The following DHX8 variants were observed in gnomAD, a reference collection of about 807,000 sequenced individuals.
DHX8 encodes ATP-dependent RNA helicase DHX8.
In DHX8, 67 loss-of-function variants were observed where a neutral mutation model predicts 140.7. That is an observed-to-expected ratio of 0.48 (90% CI 0.39 to 0.58). DHX8 has a LOEUF of 0.58. Ranked by LOEUF, DHX8 falls within the 20% of genes least tolerant of loss-of-function variation. The pLI, the probability that DHX8 is intolerant of heterozygous loss-of-function variation, is 0.00. For synonymous variants in DHX8, 533 were observed against 553.2 expected (o/e 0.96, Z 0.51); for missense variants, 887 against 1,550.7 (o/e 0.57, Z 7.19).
chr17:43,543,296 T>TCA (rs1555559966), intron 3 of DHX8, among the ~76,000 whole-genome samples: 47 of 143,390 alleles, frequency 3.3e-4, no homozygotes, highest in Non-Finnish European at 4.7e-4. Context: ...TCTCTCTCTC[T>TCA]CACACACACA....
At chr17:43,497,168 C>A (rs866256783) in intron 9 of DHX8, among the ~76,000 whole-genome samples, 2 of 152,080 alleles carry the variant, frequency 1.3e-5, no homozygotes, top group South Asian at 2.1e-4. Context: ...ACGTATCTAT[C>A]CCTAAACATT....
intron 16 of DHX8, 39 bp from the exon 17 acceptor site, chr17:43,513,323 C>G: frequency 2.5e-6 from 4 of 1,604,474 alleles, no homozygotes; most frequent in Non-Finnish European, 3.4e-6. Flanking sequence ...AGGGCTGAGC[C>G]TGGGCACCTC....
downstream of DHX8, chr17:43,525,885 G>C (rs981190226): frequency 1.0e-6 from 1 of 985,196 alleles, no homozygotes; most frequent in African/African-American, 1.7e-5. Context: ...GGGGAGGGAG[G>C]GTTGGGTTTC....
rs780605577 is a variant in DHX8 at position 43,522,065 on chromosome 17, T to G, written c.3282T>G (p.Val1094=). The change falls in exon 22 of 23, where the codon GTT becomes GTG. Residue 1094 remains valine (V), a synonymous_variant. Transcript: ENST00000262415. The stretch of plus-strand genomic sequence containing the variant: ...TTGATAGACACAAGCTGGATGTTGT[T>G]TCCTGTGGCAAGTCCACAGTCCGAG... The part of the protein sequence containing the change: ...GIMDRHKLDV[V]SCGKSTVRVQ... 26 of 1,614,022 alleles carry G rather than the reference T, an allele frequency of 1.6e-5. No homozygotes were observed. Among genetic ancestry groups the G allele is most frequent in the Non-Finnish European group, 2.1e-5 (25 of 1,179,946 alleles).
chr17:43,533,421 G>A, intron 2 of DHX8: 1 of 1,430,706 alleles, frequency 7.0e-7, no homozygotes, highest in Non-Finnish European at 9.6e-7. Flanking sequence ...TCATTCCTAG[G>A]AAAGCGAGGT....
chr17:43,507,444 T>G, intron 13 of DHX8, 59 bp from the exon 14 acceptor site: 10 of 1,503,862 alleles, frequency 6.6e-6, no homozygotes, highest in Non-Finnish European at 9.1e-6. Flanking sequence ...AAATCTTGCC[T>G]GGTGATTGGG....
chr17:43,532,935 C>T (rs746055784), intron 2 of DHX8: 21 of 1,564,870 alleles, frequency 1.3e-5, no homozygotes, highest in Admixed American at 5.7e-5. Flanking sequence ...TGCTGGAAGA[C>T]GGAGCTGGAT....
intron 4 of DHX8, 124 bp downstream of exon 4, chr17:43,491,374 T>A: frequency 2.1e-6 from 1 of 483,810 alleles, no homozygotes; most frequent in Non-Finnish European, 3.6e-6. Context: ...AGAATGAAAG[T>A]GTTTGATCAC....
Position 43,494,809 on chromosome 17 carries a change from C to CTT in DHX8, c.1212+938_1212+939dup, listed in dbSNP as rs368825760. 4.5e-5 allele frequency among the ~76,000 whole-genome samples: 6 copies of CTT among 134,572 alleles called. No homozygotes were observed. In the East Asian group the frequency reaches 1.1e-3, roughly 25 times the overall value. 88.3% of individuals were successfully genotyped at this position (134,572 alleles called of 152,430 possible). On this transcript the variant is annotated intron_variant, in intron 8 of 22. Coordinates refer to ENST00000262415, the MANE Select transcript of DHX8 (RefSeq NM_004941.3). ...AGTCTTCATTCTTTTGTTTTCTTTC[C>CTT]TTTTTTTTTTTTTTTTAATTGAGAC... is the stretch of plus-strand genomic sequence containing the variant.
rs1292588107 is a variant in DHX8, at chr17:43,522,143, G to A, written c.3360G>A (p.Pro1120=). 11 of 1,613,968 alleles carry A rather than the reference G, an allele frequency of 6.8e-6. No individual in the cohort carries two copies. The highest frequency in any genetic ancestry group is 4.5e-5 in the East Asian group (2 of 44,898). The change falls in exon 22 of 23, where the codon CCG becomes CCA. Residue 1120 remains proline (P), a synonymous_variant. Coordinates refer to ENST00000262415, the MANE Select transcript of DHX8 (RefSeq NM_004941.3). ...TCCGTAATGCTGCCAAGAAAGACCC[G>A]CAGGAGGGTTACCGGACACTGATCG... is the stretch of plus-strand genomic sequence containing the variant. ...GFFRNAAKKD[P]QEGYRTLIDQ...
intron 3 of DHX8, among the ~76,000 whole-genome samples, chr17:43,538,608 G>A (rs775984468): frequency 6.6e-6 from 1 of 152,224 alleles, no homozygotes; most frequent in South Asian, 2.1e-4. Flanking sequence ...GGCCTCCCCA[G>A]AGCGGGGCTT....
chr17:43,511,848 C>G (rs1455507408), intron 16 of DHX8, among the ~76,000 whole-genome samples: 1 of 102,832 alleles, frequency 9.7e-6, no homozygotes, highest in Non-Finnish European at 2.0e-5. Flanking sequence ...ACCCCTATCT[C>G]TACAAAAAAA....
chr17:43,484,080 G>C lies in DHX8; in HGVS notation c.43G>C (p.Glu15Gln), dbSNP rs763278226. ...VAMAGALIGS[E>Q]PGPAEELAKL... ...CATGGCGGGAGCCTTAATCGGGTCGGAGCCAGGCCCCGCGGAAGAACTTGC... is the reference window on the plus strand; with the variant it reads ...CATGGCGGGAGCCTTAATCGGGTCGCAGCCAGGCCCCGCGGAAGAACTTGC... Residue 15 changes from glutamate (E) to glutamine (Q), a missense_variant, in exon 1 of 23, where the codon GAG becomes CAG. Physicochemically the swap from Glu to Gln is conservative, Grantham distance 29. Around this residue, in one of 9 missense-constraint regions of DHX8, gnomAD observed 32 missense variants for 25.1 expected, o/e 1.28. Coordinates refer to ENST00000262415, the MANE Select transcript of DHX8 (RefSeq NM_004941.3). The C allele has an allele frequency of 5.6e-6, 9 of 1,614,194 alleles. No homozygotes were observed. In the East Asian group the frequency reaches 1.8e-4, roughly 32 times the overall value.
At chr17:43,535,253 C>T (rs920512784) in intron 2 of DHX8, among the ~76,000 whole-genome samples, 1 of 151,970 alleles carries the variant, frequency 6.6e-6, no homozygotes, top group Non-Finnish European at 1.5e-5. Context: ...AGCAAAGTAT[C>T]TGACATTAAA....
rs564483582 is a variant in DHX8 at position 43,541,162 on chromosome 17, C to T, written c.*21-3000C>T. Among the ~76,000 whole-genome samples the T allele has an allele frequency of 3.9e-5, 6 of 152,278 alleles. No individual in the cohort carries two copies. The East Asian group carries it at 7.8e-4, about 20-fold the overall frequency. On this transcript the variant is annotated intron_variant, in intron 3 of 3. Coordinates refer to the DHX8 transcript ENST00000589898. ...TTCCCAGAGCCAGGAGAAATCTGTC[C>T]TAGCTCAGCCCCTCCCCCAAACACT...
chr17:43,507,755 T>C, intron 14 of DHX8, 54 bp from the exon 15 acceptor site: 1 of 1,611,998 alleles, frequency 6.2e-7, no homozygotes, highest in African/African-American at 1.3e-5. Flanking sequence ...TGGATTTGAG[T>C]ACCTGTGTCT....
intron 8 of DHX8, among the ~76,000 whole-genome samples, chr17:43,494,738 A>AG (rs1233693057): frequency 2.0e-5 from 3 of 150,716 alleles, no homozygotes; most frequent in African/African-American, 4.9e-5. Flanking sequence ...AAAAAAAAAA[A>AG]GTGAAACTCT....
downstream of DHX8, chr17:43,528,991 A>T: frequency 2.3e-6 from 2 of 853,512 alleles, no homozygotes; most frequent in South Asian, 3.1e-5. Context: ...GAACCTTGGG[A>T]TTCTCCACAA....
chr17:43,493,077 G>T (rs768847193), intron 6 of DHX8, 37 bp downstream of exon 6: 47 of 1,579,602 alleles, frequency 3.0e-5, no homozygotes, highest in Non-Finnish European at 3.4e-5. Context: ...ACCAGTGATG[G>T]GCAGAATTTC....
Sources: gnomAD v4.1 joint callset for allele counts (sites outside exome capture counted in the v4.1 genomes callset) on GRCh38, gnomAD v4.1.1 for gene constraint, gnomAD v4.1.1 regional missense constraint, MANE v1.5 for transcripts, NCBI Gene and HGNC (gene_info 2026-07-23, HGNC 2026-07-21) for gene names.